Variants in RBL2 observed in about 807,000 individuals in gnomAD.
The protein encoded by RBL2 is RB transcriptional corepressor like 2, also known as retinoblastoma-like protein 2.
In RBL2, 56 loss-of-function variants were observed where a neutral mutation model predicts 126.0. The ratio of observed to expected loss-of-function variants is 0.44; its 90% CI spans 0.36 to 0.56. The LOEUF (loss-of-function observed/expected upper bound fraction) is 0.56. Among genes scored for constraint, RBL2 ranks in the 20% least tolerant of loss-of-function variants. The pLI, the probability that RBL2 is intolerant of heterozygous loss-of-function variation, is 0.00. For missense variants in RBL2, 1,229 were observed against 1,398.2 expected, an observed-to-expected ratio of 0.88 and a Z score of 1.93; for synonymous variants, 454 against 478.5, an observed-to-expected ratio of 0.95 and a Z score of 0.67.
At chr16:53,473,846 T>A (rs1165898402) in intron 17 of RBL2, among the ~76,000 whole-genome samples, 1 of 152,102 alleles carries the variant, frequency 6.6e-6, no homozygotes, top group Non-Finnish European at 1.5e-5. Flanking sequence ...GTTTTTTTTA[T>A]CATGAAAGGG....
chr16:53,464,221 T>C lies in RBL2; in HGVS notation c.1561-5T>C, dbSNP rs768847258. On this transcript the variant is annotated splice_polypyrimidine_tract_variant and splice_region_variant and intron_variant, in intron 11 of 21. Transcript: ENST00000262133. Reference sequence around the variant, plus strand: ...GTTTCTAATGCTAATAACTTTATTTTATAGGGTATTCTGGAACAAGATGCG... The same window carrying C: ...GTTTCTAATGCTAATAACTTTATTTCATAGGGTATTCTGGAACAAGATGCG... The C allele has an allele frequency of 6.5e-7, 1 of 1,550,176 alleles. No individual in the cohort carries two copies. The highest frequency in any genetic ancestry group is 8.7e-7 in the Non-Finnish European group (1 of 1,148,966).
chr16:53,478,045 T>C (rs553085071), intron 17 of RBL2, among the ~76,000 whole-genome samples: 116 of 152,320 alleles, frequency 7.6e-4, no homozygotes, highest in South Asian at 1.5e-3. Context: ...TTCTGAAAGA[T>C]AACTTGCAAA....
intron 21 of RBL2, 79 bp downstream of exon 21, chr16:53,481,914 G>A: frequency 6.7e-7 from 1 of 1,481,922 alleles, no homozygotes; most frequent in Non-Finnish European, 9.4e-7. Context: ...GCTAAGCTTA[G>A]GCACTCATTA....
chr16:53,447,316 GA>G (rs1310163982), intron 4 of RBL2, among the ~76,000 whole-genome samples: 2 of 142,210 alleles, frequency 1.4e-5, no homozygotes, highest in African/African-American at 5.2e-5. Context: ...TTATTAAATG[GA>G]AAGTCCATTA....
At chr16:53,455,365 C>T (rs1286049861) in intron 8 of RBL2, among the ~76,000 whole-genome samples, 1 of 152,190 alleles carries the variant, frequency 6.6e-6, no homozygotes, top group Non-Finnish European at 1.5e-5. Flanking sequence ...CAAGTGCCAC[C>T]AGGGAAACAC....
At position 53,462,527 on chromosome 16, in the gene RBL2, GTT is replaced by G. The variant is rs55875935; in HGVS notation, c.1457-15_1457-14del. 1.0e-4 allele frequency: 118 copies of G among 1,132,468 alleles called. No homozygotes were observed. Among genetic ancestry groups the G allele is most frequent in the South Asian group, 4.2e-4 (27 of 64,022 alleles). The allele number at this position is 1,132,468 out of a possible 1,614,324, so 70.2% of individuals were successfully genotyped here. ...TTTCTTTGTGTGCCATTTTTGTGGGGTTTTTTTTTTTATTATTTCTACAGAAA... is the reference window on the plus strand; with the variant it reads ...TTTCTTTGTGTGCCATTTTTGTGGGGTTTTTTTTTATTATTTCTACAGAAA... On this transcript the variant is annotated intron_variant, in intron 10 of 21. Transcript: ENST00000262133.
chr16:53,480,850 C>G, intron 20 of RBL2, 81 bp downstream of exon 20: 1 of 1,371,712 alleles, frequency 7.3e-7, no homozygotes, highest in South Asian at 1.3e-5. Flanking sequence ...ATGGACCATT[C>G]ACCTGGTCCG....
At chr16:53,458,095 C>G (rs1185914209) in intron 8 of RBL2, among the ~76,000 whole-genome samples, 1 of 152,120 alleles carries the variant, frequency 6.6e-6, no homozygotes, top group Non-Finnish European at 1.5e-5. Flanking sequence ...TTCTTTGAAA[C>G]AAAGTGAAAG....
intron 4 of RBL2, chr16:53,449,387 A>T (rs1345705846): frequency 6.6e-6 from 1 of 151,998 alleles, no homozygotes; most frequent in East Asian, 1.9e-4. Context: ...TAATTAACTC[A>T]GTGTTTGACT....
At chr16:53,456,270 C>G (rs1268892335) in intron 8 of RBL2, among the ~76,000 whole-genome samples, 1 of 152,130 alleles carries the variant, frequency 6.6e-6, no homozygotes, top group Non-Finnish European at 1.5e-5. Flanking sequence ...ATCGTAAGGA[C>G]TTTTGCTTCT....
chr16:53,464,241 G>A lies in RBL2; in HGVS notation c.1576G>A (p.Asp526Asn), dbSNP rs2058250392. ...TATTTTATAGGGTATTCTGGAACAA[G>A]ATGCGTTCCACAGATCTCTCTTGGC... ...DMDLSGILEQ[D>N]AFHRSLLACC... The change falls in exon 12 of 22, where the codon GAT (aspartate) becomes AAT (asparagine). Residue 526 changes from aspartate to asparagine, a missense_variant. Transcript: ENST00000262133. 6.3e-7 allele frequency: 1 copy of A among 1,579,180 alleles called. No individual in the cohort carries two copies. The highest frequency in any genetic ancestry group is 8.6e-7 in the Non-Finnish European group (1 of 1,163,872).
chr16:53,434,811 G>T lies in RBL2; in HGVS notation c.240+15G>T, dbSNP rs997971532. 28 of 1,485,098 alleles carry T rather than the reference G, an allele frequency of 1.9e-5. No homozygotes were observed. In the East Asian group the frequency reaches 7.4e-4, roughly 40 times the overall value. 92.0% of individuals were successfully genotyped at this position (1,485,098 alleles called of 1,614,324 possible). A position where few individuals can be genotyped will look rare whatever the true frequency, so the allele number is the denominator to read the frequency against. ...ACACGCTGGAGGTGCGCTCGCGGGC[G>T]GAGGGGCGCTTCCGGCCTAGTTGGC... On this transcript the variant is annotated intron_variant, in intron 1 of 21. Transcript: ENST00000262133.
intron 1 of RBL2, among the ~76,000 whole-genome samples, chr16:53,438,026 C>CA (rs916571049): frequency 3.3e-5 from 5 of 149,930 alleles, no homozygotes; most frequent in African/African-American, 7.4e-5. Flanking sequence ...GACTCCATCT[C>CA]AAAAAAAATA....
chr16:53,465,123 CATAAG>C (rs2058260721), intron 12 of RBL2, among the ~76,000 whole-genome samples: 1 of 152,088 alleles, frequency 6.6e-6, no homozygotes, highest in South Asian at 2.1e-4. Flanking sequence ...TCTTAACTCT[CATAAG>C]ATAGTCAAAA....
chr16:53,483,929 A>AGT (rs1961056665), intron 21 of RBL2, among the ~76,000 whole-genome samples: 1 of 140,768 alleles, frequency 7.1e-6, no homozygotes, highest in Non-Finnish European at 1.5e-5. Context: ...ATCATAGTAA[A>AGT]AAAAAAAAAA....
At chr16:53,461,650 AT>A (rs2150804664) in intron 9 of RBL2, 90 bp from the exon 10 acceptor site, 1 of 846,804 alleles carries the variant, frequency 1.2e-6, no homozygotes, top group East Asian at 2.8e-5. Context: ...AGTGTTTTAT[AT>A]TTACATGTTA....
chr16:53,437,684 GCT>G (rs1268420181), intron 1 of RBL2, among the ~76,000 whole-genome samples: 6 of 152,062 alleles, frequency 3.9e-5, no homozygotes, highest in Non-Finnish European at 8.8e-5. Flanking sequence ...ATCCATTCAA[GCT>G]TAATTTTGTA....
intron 21 of RBL2, among the ~76,000 whole-genome samples, chr16:53,487,021 A>C (rs1438344140): frequency 6.6e-6 from 1 of 152,256 alleles, no homozygotes; most frequent in Non-Finnish European, 1.5e-5. Flanking sequence ...AAAACTATAG[A>C]AGCTTGGTGA....
At position 53,484,375 on chromosome 16, in the gene RBL2, C is replaced by T. The variant is rs193030087; in HGVS notation, c.3249+2540C>T. 2.1e-3 allele frequency among the ~76,000 whole-genome samples: 319 copies of T among 152,186 alleles called. 2 individuals are homozygous for T. Among genetic ancestry groups the T allele is most frequent in the Middle Eastern group, 6.8e-3 (2 of 294 alleles). On this transcript the variant is annotated intron_variant, in intron 21 of 21. Coordinates refer to ENST00000262133, the MANE Select transcript of RBL2 (RefSeq NM_005611.4). The stretch of plus-strand genomic sequence containing the variant: ...AAAATAGCATTTAAATGTAAATGGT[C>T]TAAATGTACCAATTAATAGTTAGAA...
Sources: allele counts gnomAD v4.1 joint callset (sites outside exome capture counted in the v4.1 genomes callset), GRCh38; gene constraint gnomAD v4.1.1; transcripts MANE v1.5; gene names NCBI Gene and HGNC (gene_info 2026-07-23, HGNC 2026-07-21).